EVI5: variants seen among roughly 807,000 people sequenced by gnomAD.
The protein encoded by EVI5 is ecotropic viral integration site 5 protein homolog.
In EVI5, 73 loss-of-function variants were observed where a neutral mutation model predicts 112.0. The ratio of observed to expected loss-of-function variants is 0.65; its 90% confidence interval spans 0.54 to 0.79. The LOEUF is 0.79. Ranked by LOEUF, EVI5 falls within the 30% of genes least tolerant of loss-of-function variation. EVI5 has a pLI of 0.00. For missense variants in EVI5, 900 were observed against 968.8 expected (o/e 0.93, Z 0.94); for synonymous variants, 305 against 319.9 (o/e 0.95, Z 0.50).
At position 92,724,679 on chromosome 1, in the gene EVI5, A is replaced by G. The variant is rs535474877; in HGVS notation, c.149+11719T>C. The stretch of plus-strand genomic sequence containing the variant: ...AAAAATTAGCTGGGCATAGTGGCAC[A>G]CACCTATAGTCCCAGCTACTCGGGA... On this transcript the variant is annotated intron_variant, in intron 2 of 19. Coordinates refer to ENST00000684568, the MANE Select transcript of EVI5 (RefSeq NM_001350197.2). Among the ~76,000 whole-genome samples, 7 of 152,088 alleles carry G rather than the reference A, an allele frequency of 4.6e-5. No homozygotes were observed. The South Asian group carries it at 1.5e-3, about 32-fold the overall frequency.
intron 1 of EVI5, among the ~76,000 whole-genome samples, chr1:92,767,694 T>G (rs898930123): frequency 6.6e-6 from 1 of 152,258 alleles, no homozygotes; most frequent in Non-Finnish European, 1.5e-5. Flanking sequence ...ACAAGTTATT[T>G]AAGCTCTTTG....
At chr1:92,714,530 G>A (rs1271067321) in intron 2 of EVI5, among the ~76,000 whole-genome samples, 2 of 152,172 alleles carry the variant, frequency 1.3e-5, no homozygotes, top group Non-Finnish European at 2.9e-5. Flanking sequence ...ACTAGTTGGT[G>A]GGGCGATAGG....
rs550178683 is a variant in EVI5, at chr1:92,573,735, T to C, written c.2071-9998A>G. Among the ~76,000 whole-genome samples the C allele has an allele frequency of 1.4e-4, 22 of 152,218 alleles. No homozygotes were observed. In the South Asian group the frequency reaches 4.1e-3, roughly 29 times the overall value. On this transcript the variant is annotated intron_variant, in intron 18 of 19. Transcript: ENST00000684568. ...CCTGTCTACAGAGGTTGGTTCAATT[T>C]TGAACTCAAATCCCCTTCTTGGTTA...
At chr1:92,518,247 C>T (rs1660290979) in intron 19 of EVI5, among the ~76,000 whole-genome samples, 1 of 152,068 alleles carries the variant, frequency 6.6e-6, no homozygotes, top group South Asian at 2.1e-4. Flanking sequence ...TGAATACATA[C>T]TACATGAGTA....
intron 13 of EVI5, chr1:92,647,313 T>G: frequency 4.7e-6 from 1 of 211,940 alleles, no homozygotes; most frequent in Non-Finnish European, 9.9e-6. Flanking sequence ...GGTTTGTGGA[T>G]TTGATCTTGG....
At chr1:92,535,083 A>T (rs1056624347) in intron 19 of EVI5, among the ~76,000 whole-genome samples, 3 of 151,712 alleles carry the variant, frequency 2.0e-5, no homozygotes. Context: ...AATTTACAAG[A>T]AAAAAAAACC....
intron 1 of EVI5, among the ~76,000 whole-genome samples, chr1:92,776,805 T>A (rs994749651): frequency 2.9e-4 from 27 of 92,610 alleles, no homozygotes; most frequent in African/African-American, 8.7e-4. Flanking sequence ...CCAGCTAACT[T>A]TTTTTTTTTT....
intron 19 of EVI5, among the ~76,000 whole-genome samples, chr1:92,547,029 A>C (rs1158361522): frequency 6.6e-6 from 1 of 152,182 alleles, no homozygotes; most frequent in African/African-American, 2.4e-5. Context: ...CTCCACCCCA[A>C]ATCAACAGAA....
intron 9 of EVI5, among the ~76,000 whole-genome samples, chr1:92,692,450 T>C (rs1669639750): frequency 6.6e-6 from 1 of 152,246 alleles, no homozygotes; most frequent in South Asian, 2.1e-4. Context: ...ATGGTAGTTA[T>C]TTAAAACGTA....
chr1:92,559,620 A>G (rs760856424), intron 19 of EVI5, among the ~76,000 whole-genome samples: 16 of 151,676 alleles, frequency 1.1e-4, no homozygotes, highest in Non-Finnish European at 1.6e-4. Context: ...AAAAAAATGC[A>G]AAAATTAGCC....
intron 19 of EVI5, among the ~76,000 whole-genome samples, chr1:92,546,427 G>A (rs146658064): frequency 5.9e-5 from 9 of 152,182 alleles, no homozygotes; most frequent in African/African-American, 2.2e-4. Context: ...GGCTGGGCGC[G>A]GTGGTTCACA....
At chr1:92,541,801 T>C (rs1261455995) in intron 19 of EVI5, among the ~76,000 whole-genome samples, 1 of 152,270 alleles carries the variant, frequency 6.6e-6, no homozygotes, top group Non-Finnish European at 1.5e-5. Flanking sequence ...ATAAAAGTTA[T>C]CTTTACATTA....
chr1:92,633,786 T>C (rs78093361), intron 14 of EVI5, among the ~76,000 whole-genome samples: 1 of 152,232 alleles, frequency 6.6e-6, no homozygotes, highest in Admixed American at 6.5e-5. Context: ...CTATGGTCTT[T>C]ACAATTTGGC....
intron 1 of EVI5, among the ~76,000 whole-genome samples, chr1:92,766,902 T>C (rs1682717513): frequency 6.6e-6 from 1 of 152,042 alleles, no homozygotes; most frequent in South Asian, 2.1e-4. Context: ...GCCAAAATGG[T>C]GAAACTCTGT....
In EVI5 at chr1:92,607,233, C is replaced by CGAGG. The variant is rs1557887377; in HGVS notation, c.1974+347_1974+348insCCTC. Among the ~76,000 whole-genome samples the CGAGG allele has an allele frequency of 4.3e-4, 66 of 152,200 alleles. 1 individual carries two copies. The highest frequency in any genetic ancestry group is 1.5e-3 in the African/African-American group (61 of 41,520). The stretch of plus-strand genomic sequence containing the variant: ...TAAGATACCAATCAAAGCAGAGGAG[C>CGAGG]CCTAACCTCTCTAAATGACCCATCT... On this transcript the variant is annotated intron_variant, in intron 17 of 19. Transcript: ENST00000684568.
chr1:92,774,300 G>T (rs12144951), intron 1 of EVI5, among the ~76,000 whole-genome samples: 1,585 of 152,166 alleles, frequency 0.01, 13 homozygotes, highest in Middle Eastern at 0.048. Flanking sequence ...CCTTTCTCAT[G>T]TATTTCATTC....
chr1:92,656,955 T>C (rs1438261465), intron 13 of EVI5, among the ~76,000 whole-genome samples: 2 of 152,006 alleles, frequency 1.3e-5, no homozygotes, highest in Middle Eastern at 6.3e-3. Flanking sequence ...CTACCATACA[T>C]ACAATGAAGA....
chr1:92,602,629 A>G (rs1649422826), intron 18 of EVI5, among the ~76,000 whole-genome samples: 2 of 151,542 alleles, frequency 1.3e-5, no homozygotes, highest in African/African-American at 4.9e-5. Context: ...CCGGTCTTGA[A>G]CTCCTGGCCT....
intron 2 of EVI5, among the ~76,000 whole-genome samples, chr1:92,710,373 G>T (rs1381343362): frequency 6.6e-6 from 1 of 151,852 alleles, no homozygotes; most frequent in African/African-American, 2.4e-5. Flanking sequence ...GGGATGGTGG[G>T]GGAATAATTC....
Sources: gnomAD v4.1 joint callset for allele counts (sites outside exome capture counted in the v4.1 genomes callset) on GRCh38, gnomAD v4.1.1 for gene constraint, MANE v1.5 for transcripts, NCBI Gene and HGNC (gene_info 2026-07-23, HGNC 2026-07-21) for gene names.